The following C8orf34 variants were observed in gnomAD, a reference collection of about 807,000 sequenced individuals.
The protein encoded by C8orf34 is chromosome 8 open reading frame 34.
C8orf34 carries 65 observed loss-of-function variants against 68.3 expected under a neutral mutation model. The observed-to-expected ratio is 0.95, with a 90% CI of 0.78 to 1.17. The LOEUF is 1.17. Ranked by LOEUF, C8orf34 falls within the 50% of genes most tolerant of loss-of-function variation. The pLI is 0.00. For synonymous variants in C8orf34, 244 were observed against 241.2 expected (o/e 1.01, Z -0.11); for missense variants, 664 against 655.4 (o/e 1.01, Z -0.14).
At chr8:68,555,025 T>A (rs1333770356) in intron 7 of C8orf34, among the ~76,000 whole-genome samples, 2 of 152,174 alleles carry the variant, frequency 1.3e-5, no homozygotes, top group African/African-American at 4.8e-5. Context: ...GCCACTTTTT[T>A]ATGTTTACAC....
chr8:68,473,230 C>A (rs1035215200), intron 4 of C8orf34, among the ~76,000 whole-genome samples: 1 of 152,050 alleles, frequency 6.6e-6, no homozygotes, highest in Non-Finnish European at 1.5e-5. Context: ...GAGGGGTGCC[C>A]AAATGGGACT....
At chr8:68,650,701 G>A (rs952645837) in intron 8 of C8orf34, among the ~76,000 whole-genome samples, 3 of 151,948 alleles carry the variant, frequency 2.0e-5, no homozygotes, top group Non-Finnish European at 2.9e-5. Context: ...GGATGGTCTC[G>A]ATCTCCTGAC....
chr8:68,361,440 C>G (rs976603132), intron 1 of C8orf34, among the ~76,000 whole-genome samples: 4 of 152,128 alleles, frequency 2.6e-5, no homozygotes, highest in African/African-American at 7.2e-5. Context: ...TCTTCAACAG[C>G]CAATATTCCT....
chr8:68,814,604 T>C (rs1356772898), intron 12 of C8orf34, among the ~76,000 whole-genome samples: 1 of 152,210 alleles, frequency 6.6e-6, no homozygotes, highest in East Asian at 1.9e-4. Context: ...ACCCATTACT[T>C]GATACTTCCA....
In C8orf34 at chr8:68,459,539, A is replaced by G. The variant is rs191357933; in HGVS notation, c.608-9153A>G. On this transcript the variant is annotated intron_variant, in intron 3 of 13. Coordinates refer to ENST00000518698, the MANE Select transcript of C8orf34 (RefSeq NM_052958.4). ...AGCCACCGTGCCCGGCTGAAAAGGG[A>G]ACTCTTATACACTGTTAGTAGGAAG... Among the ~76,000 whole-genome samples, 17 of 152,178 alleles carry G rather than the reference A, an allele frequency of 1.1e-4. No homozygotes were observed. The East Asian group carries it at 1.9e-3, about 17-fold the overall frequency.
At position 68,643,032 on chromosome 8, in the gene C8orf34, G is replaced by A. The variant is rs145283743; in HGVS notation, c.1241+2521G>A. ...CGCTAACCTCCTGCTGTGCCAGGAGGTTCCTAACAGGCCACAGACCAGTAC... is the reference window on the plus strand; with the variant it reads ...CGCTAACCTCCTGCTGTGCCAGGAGATTCCTAACAGGCCACAGACCAGTAC... On this transcript the variant is annotated intron_variant, in intron 8 of 13. Transcript: ENST00000518698. Among the ~76,000 whole-genome samples, 3 of 152,290 alleles carry A rather than the reference G, an allele frequency of 2.0e-5. No homozygotes were observed. In the South Asian group the frequency reaches 6.2e-4, roughly 32 times the overall value.
chr8:68,757,784 ACTGTGGAGTT>A (rs1273796501), intron 10 of C8orf34, among the ~76,000 whole-genome samples: 1 of 152,170 alleles, frequency 6.6e-6, no homozygotes, highest in Non-Finnish European at 1.5e-5. Context: ...TAGAATGTGG[ACTGTGGAGTT>A]CCAGAGACCC....
At chr8:68,776,891 T>A (rs1027081953) in intron 11 of C8orf34, among the ~76,000 whole-genome samples, 4 of 152,262 alleles carry the variant, frequency 2.6e-5, no homozygotes, top group Admixed American at 1.3e-4. Flanking sequence ...TGCAAAGGGC[T>A]ATCCCAACAA....
rs577831273 is a variant in C8orf34 at position 68,402,967 on chromosome 8, G to C, written c.328-36532G>C. The stretch of plus-strand genomic sequence containing the variant: ...GGAAGCCCCATGCATCCCAGTGACT[G>C]TACCCCTCCCCAGTCACTGGGAAGC... On this transcript the variant is annotated intron_variant, in intron 1 of 13. Coordinates refer to ENST00000518698, the MANE Select transcript of C8orf34 (RefSeq NM_052958.4). Among the ~76,000 whole-genome samples the C allele has an allele frequency of 1.8e-4, 27 of 152,278 alleles. No individual in the cohort carries two copies. In the South Asian group the frequency reaches 5.4e-3, roughly 30 times the overall value.
Position 68,815,940 on chromosome 8 carries a change from AC to A in C8orf34, c.1605del (p.Ser536LeufsTer25). On this transcript the variant is annotated frameshift_variant, in exon 13 of 14. Coordinates refer to ENST00000518698, the MANE Select transcript of C8orf34 (RefSeq NM_052958.4). LOFTEE classifies it high-confidence loss of function. The part of the protein sequence containing the change: ...VPCSSCPTLV[Y>X]SGL ...TGCTCTTCTTGTCCTACGCTGGTCT[AC>A]TCTGGTATGTTTGCTCAGGGCACTT... The A allele has an allele frequency of 6.2e-7, 1 of 1,613,298 alleles. No individual in the cohort carries two copies. The highest frequency in any genetic ancestry group is 8.5e-7 in the Non-Finnish European group (1 of 1,179,656).
chr8:68,452,912 T>A (rs1011343383), intron 3 of C8orf34, among the ~76,000 whole-genome samples: 1 of 151,786 alleles, frequency 6.6e-6, no homozygotes, highest in Non-Finnish European at 1.5e-5. Context: ...TACATGTGGG[T>A]AGTTGTTCCA....
intron 8 of C8orf34, among the ~76,000 whole-genome samples, chr8:68,661,910 T>C (rs1432682009): frequency 6.6e-6 from 1 of 152,122 alleles, no homozygotes; most frequent in African/African-American, 2.4e-5. Context: ...AAAACTATTA[T>C]AGGAGAGAAG....
chr8:68,364,806 A>C (rs1372781240), intron 1 of C8orf34, among the ~76,000 whole-genome samples: 3 of 151,092 alleles, frequency 2.0e-5, no homozygotes, highest in African/African-American at 7.3e-5. Context: ...AAGATCCAAA[A>C]TTGACACCCT....
chr8:68,761,377 T>C lies in C8orf34; in HGVS notation c.1405-15022T>C, dbSNP rs79946962. On this transcript the variant is annotated intron_variant, in intron 10 of 13. Transcript: ENST00000518698. ...GCAACAGTTCTTTCCTGAAACTTCC[T>C]GCTCCCACTCATATTTTATTACTCC... 9.2e-5 allele frequency among the ~76,000 whole-genome samples: 14 copies of C among 152,314 alleles called. No homozygotes were observed. In the East Asian group the frequency reaches 2.7e-3, roughly 29 times the overall value.
intron 9 of C8orf34, among the ~76,000 whole-genome samples, chr8:68,713,158 G>A (rs1821372618): frequency 6.6e-6 from 1 of 151,916 alleles, no homozygotes; most frequent in South Asian, 2.1e-4. Context: ...AAAACCTCTG[G>A]GATACAGTAA....
At chr8:68,676,461 G>A (rs1288579292) in intron 8 of C8orf34, among the ~76,000 whole-genome samples, 3 of 152,122 alleles carry the variant, frequency 2.0e-5, no homozygotes, top group African/African-American at 4.8e-5. Flanking sequence ...TTTCAGCATT[G>A]CACAGATCAT....
At chr8:68,554,949 C>T (rs866555981) in intron 7 of C8orf34, among the ~76,000 whole-genome samples, 1 of 152,080 alleles carries the variant, frequency 6.6e-6, no homozygotes, top group African/African-American at 2.4e-5. Context: ...CAGAGACATG[C>T]TCTCTATTTG....
rs201593423 is a variant in C8orf34 at position 68,619,283 on chromosome 8, G to A, written c.1106-21093G>A. Among the ~76,000 whole-genome samples, 6 of 152,144 alleles carry A rather than the reference G, an allele frequency of 3.9e-5. No individual in the cohort carries two copies. In the East Asian group the frequency reaches 9.6e-4, roughly 24 times the overall value. Reference sequence around the variant, plus strand: ...AGAGGTTTCAGTGAGCCAAGATCACGCCACTGCACTCCAGCCTGAGTGAGA... The same window carrying A: ...AGAGGTTTCAGTGAGCCAAGATCACACCACTGCACTCCAGCCTGAGTGAGA... On this transcript the variant is annotated intron_variant, in intron 7 of 13. Coordinates refer to ENST00000518698, the MANE Select transcript of C8orf34 (RefSeq NM_052958.4).
intron 3 of C8orf34, among the ~76,000 whole-genome samples, chr8:68,457,054 G>T (rs1453072020): frequency 6.6e-6 from 1 of 152,102 alleles, no homozygotes; most frequent in Non-Finnish European, 1.5e-5. Context: ...GAAAATTGAG[G>T]TAAATATGTT....
Sources: allele counts gnomAD v4.1 joint callset (sites outside exome capture counted in the v4.1 genomes callset), GRCh38; gene constraint gnomAD v4.1.1; transcripts MANE v1.5; gene names NCBI Gene and HGNC (gene_info 2026-07-23, HGNC 2026-07-21).